Variants in PRPF38A observed in about 807,000 individuals in gnomAD.
The protein encoded by PRPF38A is pre-mRNA processing factor 38A.
A neutral mutation model predicts 46.8 loss-of-function variants in PRPF38A; 11 were observed. That is an observed-to-expected ratio of 0.24 (90% CI 0.15 to 0.39). PRPF38A has a LOEUF of 0.39. PRPF38A is among the 10% of genes least tolerant of loss of function. The probability of loss-of-function intolerance (pLI) is 1.00; values close to 1 mark genes in which losing one functional copy is unlikely to be tolerated. For missense variants in PRPF38A, 261 were observed against 407.5 expected, an observed-to-expected ratio of 0.64 and a Z score of 3.10; for synonymous variants, 124 against 136.2, an observed-to-expected ratio of 0.91 and a Z score of 0.62.
chr1:52,412,367 C>T, intron 4 of PRPF38A, 147 bp from the exon 5 acceptor site: 1 of 592,726 alleles, frequency 1.7e-6, no homozygotes, highest in East Asian at 2.8e-5. Context: ...GATTTCAGGT[C>T]TATTAAACTT....
In PRPF38A at chr1:52,414,842, C is replaced by G; in HGVS notation, c.830C>G (p.Ser277Cys). Residue 277 changes from serine (S) to cysteine (C), a missense_variant, in exon 8 of 10, where the codon TCC (serine) becomes TGC (cysteine). By Grantham distance (112) the Ser-to-Cys change is moderately radical. Around this residue, in one of 2 missense-constraint regions of PRPF38A, gnomAD observed 180 missense variants for 221.0 expected, o/e 0.81. Transcript: ENST00000257181. ...RSRSRDRRHR[S>C]RSKSPGHHRS... ...AGGTCCCGAGATCGGCGGCACAGATCCCGTTCCAAGTCCCCAGGTAAAGCT... is the reference window on the plus strand; with the variant it reads ...AGGTCCCGAGATCGGCGGCACAGATGCCGTTCCAAGTCCCCAGGTAAAGCT... 6.2e-7 allele frequency: 1 copy of G among 1,614,054 alleles called. No individual in the cohort carries two copies.
chr1:52,411,467 G>A (rs1648147861), intron 4 of PRPF38A, among the ~76,000 whole-genome samples: 1 of 152,238 alleles, frequency 6.6e-6, no homozygotes, highest in African/African-American at 2.4e-5. Flanking sequence ...AGGTGCATGT[G>A]TGAGTTGTGC....
intron 2 of PRPF38A, 97 bp from the exon 3 acceptor site, chr1:52,408,469 GAGA>G (rs1246829410): frequency 6.6e-7 from 1 of 1,524,410 alleles, no homozygotes; most frequent in South Asian, 1.1e-5. Context: ...ACCTGCCAAA[GAGA>G]AGAACATGTT....
chr1:52,404,914 CT>C lies in PRPF38A; in HGVS notation c.130+37del, dbSNP rs775500423. ...AGCGCGCGGAGCGCCTCTCAGCCCC[CT>C]TGTGGCCCATTTCTCCTGACCGAGC... On this transcript the variant is annotated intron_variant, in intron 1 of 9. Transcript: ENST00000257181. The C allele has an allele frequency of 5.0e-6, 8 of 1,608,880 alleles. No individual in the cohort carries two copies. The African/African-American group carries it at 9.4e-5, about 19-fold the overall frequency.
intron 3 of PRPF38A, chr1:52,408,913 G>A: frequency 2.3e-6 from 1 of 442,466 alleles, no homozygotes; most frequent in Non-Finnish European, 4.0e-6. Flanking sequence ...CCCTTTCCAA[G>A]TGCATCTTAT....
intron 3 of PRPF38A, among the ~76,000 whole-genome samples, chr1:52,410,803 G>C (rs1338710636): frequency 1.3e-5 from 2 of 152,198 alleles, no homozygotes; most frequent in South Asian, 2.1e-4. Flanking sequence ...CTCCTAGCCA[G>C]TTCTCAAAAG....
At chr1:52,407,871 C>T (rs547517989) in intron 2 of PRPF38A, among the ~76,000 whole-genome samples, 4 of 152,348 alleles carry the variant, frequency 2.6e-5, no homozygotes, top group Non-Finnish European at 4.4e-5. Context: ...GCCTGGCCAA[C>T]ATGGCAAAAC....
In PRPF38A at chr1:52,416,681, G is replaced by A; in HGVS notation, c.930G>A (p.Gly310=). The part of the protein sequence containing the change: ...SKKSHKKSRR[G]NE ...AGAGCCACAAGAAGAGCCGGAGAGG[G>A]AATGAGTAATGGACTCAGTTTGGTT... The change falls in exon 10 of 10, where the codon GGG becomes GGA. Residue 310 remains glycine (G), a synonymous_variant. Coordinates refer to ENST00000257181, the MANE Select transcript of PRPF38A (RefSeq NM_032864.4). 1 of 1,612,300 alleles carries A rather than the reference G, an allele frequency of 6.2e-7. No homozygotes were observed. Among genetic ancestry groups the A allele is most frequent in the Non-Finnish European group, 8.5e-7 (1 of 1,178,352 alleles).
At chr1:52,411,324 C>T (rs1394324623) in intron 4 of PRPF38A, 124 bp downstream of exon 4, 1 of 652,962 alleles carries the variant, frequency 1.5e-6, no homozygotes, top group Non-Finnish European at 2.6e-6. Context: ...AATGAATAGT[C>T]TTCCTGTCTG....
At chr1:52,412,731 C>T (rs1327810210) in intron 5 of PRPF38A, 107 bp downstream of exon 5, 10 of 702,142 alleles carry the variant, frequency 1.4e-5, no homozygotes, top group African/African-American at 5.4e-5. Flanking sequence ...CGGGCGTGGT[C>T]GCTCAAGCCT....
chr1:52,414,287 C>T (rs866912083), intron 6 of PRPF38A, among the ~76,000 whole-genome samples: 3 of 152,154 alleles, frequency 2.0e-5, no homozygotes, highest in South Asian at 2.1e-4. Context: ...GCTTGGATGA[C>T]GGGGGAAATT....
chr1:52,416,133 C>T (rs1363910190), intron 9 of PRPF38A, among the ~76,000 whole-genome samples: 3 of 151,906 alleles, frequency 2.0e-5, no homozygotes, highest in Non-Finnish European at 2.9e-5. Context: ...GCCACCGCGC[C>T]GGGCCTGTTT....
Position 52,417,084 on chromosome 1 carries a change from G to T in PRPF38A, c.*394G>T, listed in dbSNP as rs937779181. 5.9e-6 allele frequency: 1 copy of T among 170,758 alleles called. No individual in the cohort carries two copies. The highest frequency in any genetic ancestry group is 2.4e-5 in the African/African-American group (1 of 41,910). The allele number at this position is 170,758 out of a possible 1,614,324, so 10.6% of individuals were successfully genotyped here. ...AACTGCTTTGAGAATCCTGGGATTT[G>T]TGCTGCTGCTGTTATTCAAAGATCA... is the stretch of plus-strand genomic sequence containing the variant. On this transcript the variant is annotated 3_prime_UTR_variant, in exon 10 of 10. Coordinates refer to ENST00000257181, the MANE Select transcript of PRPF38A (RefSeq NM_032864.4).
In PRPF38A at chr1:52,405,552, A is replaced by C. The variant is rs983349495; in HGVS notation, c.131-128A>C. On this transcript the variant is annotated intron_variant, in intron 1 of 9. Coordinates refer to ENST00000257181, the MANE Select transcript of PRPF38A (RefSeq NM_032864.4). ...ATTAGCTGTTGTCGTTACTGTTATT[A>C]ATACACATTCGTTCTCCTAATATTA... is the stretch of plus-strand genomic sequence containing the variant. 3.8e-6 allele frequency: 3 copies of C among 790,338 alleles called. No individual in the cohort carries two copies. The African/African-American group carries it at 5.2e-5, about 14-fold the overall frequency. 49.0% of individuals were successfully genotyped at this position (790,338 alleles called of 1,614,324 possible).
At chr1:52,415,926 T>A (rs750223121) in intron 9 of PRPF38A, among the ~76,000 whole-genome samples, 9 of 131,672 alleles carry the variant, frequency 6.8e-5, no homozygotes, top group Non-Finnish European at 1.2e-4. Context: ...CACTGCAAGC[T>A]CCACCTCCTG....
intron 5 of PRPF38A, among the ~76,000 whole-genome samples, chr1:52,413,358 C>T (rs567914320): frequency 1.1e-4 from 16 of 152,032 alleles, no homozygotes; most frequent in Admixed American, 2.0e-4. Context: ...GTACTAGTTA[C>T]GGTGCTGAAA....
In PRPF38A at chr1:52,420,832, A is replaced by T. The variant is rs901773232; in HGVS notation, c.*4142A>T. 1.3e-5 allele frequency: 2 copies of T among 152,230 alleles called. No individual in the cohort carries two copies. The highest frequency in any genetic ancestry group is 4.8e-5 in the African/African-American group (2 of 41,480). 9.4% of individuals were successfully genotyped at this position (152,230 alleles called of 1,614,324 possible). A position where few individuals can be genotyped will look rare whatever the true frequency, so the allele number is the denominator to read the frequency against. Reference sequence around the variant, plus strand: ...ATAAACATGTTAATTTCTACAAGGAAGAAATGAGTTGTTGGGAGTTAAAAG... The same window carrying T: ...ATAAACATGTTAATTTCTACAAGGATGAAATGAGTTGTTGGGAGTTAAAAG... On this transcript the variant is annotated 3_prime_UTR_variant, in exon 10 of 10. Transcript: ENST00000257181.
intron 9 of PRPF38A, among the ~76,000 whole-genome samples, chr1:52,416,334 A>C (rs1249482585): frequency 6.7e-6 from 1 of 149,186 alleles, no homozygotes; most frequent in Non-Finnish European, 1.5e-5. Flanking sequence ...TTTGAGATGG[A>C]GTCTCACTCT....
intron 9 of PRPF38A, among the ~76,000 whole-genome samples, chr1:52,416,264 T>G (rs1648289467): frequency 6.6e-6 from 1 of 151,870 alleles, no homozygotes; most frequent in Non-Finnish European, 1.5e-5. Context: ...ATATTGAGTG[T>G]CAGCTCCATC....
Sources: gnomAD v4.1 joint callset for allele counts (sites outside exome capture counted in the v4.1 genomes callset) on GRCh38, gnomAD v4.1.1 for gene constraint, gnomAD v4.1.1 regional missense constraint, MANE v1.5 for transcripts, NCBI Gene and HGNC (gene_info 2026-07-23, HGNC 2026-07-21) for gene names.